SORCS2: variants seen among roughly 807,000 people sequenced by gnomAD.
The protein encoded by SORCS2 is sortilin related VPS10 domain containing receptor 2.
A neutral mutation model predicts 141.6 loss-of-function variants in SORCS2; 100 were observed. The ratio of observed to expected loss-of-function variants is 0.71; its 90% confidence interval spans 0.60 to 0.83. SORCS2 has a LOEUF of 0.83. SORCS2 is among the 40% of genes least tolerant of loss of function. The pLI, the probability that SORCS2 is intolerant of heterozygous loss-of-function variation, is 0.00. For missense variants in SORCS2, 1,646 were observed against 1,560.2 expected, an observed-to-expected ratio of 1.05 and a Z score of -0.93; for synonymous variants, 789 against 676.9, an observed-to-expected ratio of 1.17 and a Z score of -2.57.
intron 8 of SORCS2, among the ~76,000 whole-genome samples, chr4:7,670,821 C>T (rs188635710): frequency 2.6e-5 from 4 of 152,166 alleles, no homozygotes; most frequent in Admixed American, 2.6e-4. Flanking sequence ...CGGGAGGGTG[C>T]AGGGGTGCCA....
At chr4:7,384,589 C>T (rs1560237996) in intron 1 of SORCS2, among the ~76,000 whole-genome samples, 1 of 152,236 alleles carries the variant, frequency 6.6e-6, no homozygotes, top group Non-Finnish European at 1.5e-5. Flanking sequence ...CCACCCGTGT[C>T]CACACCACAG....
chr4:7,271,642 C>T (rs934425218), intron 1 of SORCS2, among the ~76,000 whole-genome samples: 2 of 152,228 alleles, frequency 1.3e-5, no homozygotes, highest in Admixed American at 6.5e-5. Flanking sequence ...CTTGTGGCTC[C>T]CGTCTGCCAC....
intron 2 of SORCS2, among the ~76,000 whole-genome samples, chr4:7,472,779 T>G (rs1730056201): frequency 6.6e-6 from 1 of 152,152 alleles, no homozygotes; most frequent in African/African-American, 2.4e-5. Flanking sequence ...ATGTTTGTAA[T>G]TGACTCCCCG....
At chr4:7,725,520 G>A (rs559086769) in intron 20 of SORCS2, among the ~76,000 whole-genome samples, 17 of 152,348 alleles carry the variant, frequency 1.1e-4, no homozygotes, top group South Asian at 6.2e-4. Flanking sequence ...GCCTTTTCCC[G>A]GGAAAGAGAT....
chr4:7,719,928 A>G, intron 18 of SORCS2, among the ~76,000 whole-genome samples: 1 of 151,512 alleles, frequency 6.6e-6, no homozygotes, highest in African/African-American at 2.4e-5. Context: ...GGGAGAGTCA[A>G]CCCCCACCCC....
intron 1 of SORCS2, among the ~76,000 whole-genome samples, chr4:7,298,204 A>G (rs1717206997): frequency 6.6e-6 from 1 of 152,164 alleles, no homozygotes; most frequent in Admixed American, 6.5e-5. Flanking sequence ...GGTCCAGGAC[A>G]TGACCATGGT....
rs947413011 is a variant in SORCS2 at position 7,522,071 on chromosome 4, G to A, written c.549-9459G>A. 4.6e-5 allele frequency among the ~76,000 whole-genome samples: 7 copies of A among 152,322 alleles called. No individual in the cohort carries two copies. In the South Asian group the frequency reaches 1.5e-3, roughly 32 times the overall value. On this transcript the variant is annotated intron_variant, in intron 2 of 26. Coordinates refer to ENST00000507866, the MANE Select transcript of SORCS2 (RefSeq NM_020777.3). ...TCCTCAGGACAGGCACAGGAGGTCCGCTTCATTAACCCTTTGTTCAGATAG... is the reference window on the plus strand; with the variant it reads ...TCCTCAGGACAGGCACAGGAGGTCCACTTCATTAACCCTTTGTTCAGATAG...
intron 2 of SORCS2, among the ~76,000 whole-genome samples, chr4:7,428,092 G>A (rs1239908319): frequency 2.0e-5 from 3 of 152,198 alleles, no homozygotes; most frequent in African/African-American, 4.8e-5. Flanking sequence ...TGGGTCCTGG[G>A]GTGGGGCCCA....
At chr4:7,678,619 G>A (rs185843748) in intron 9 of SORCS2, among the ~76,000 whole-genome samples, 24 of 142,806 alleles carry the variant, frequency 1.7e-4, no homozygotes, top group Middle Eastern at 4.8e-3. Flanking sequence ...TGAGGAAGGA[G>A]CTCAGAGCCA....
chr4:7,523,379 T>G (rs1476611116), intron 2 of SORCS2, among the ~76,000 whole-genome samples: 4 of 152,212 alleles, frequency 2.6e-5, no homozygotes, highest in African/African-American at 9.6e-5. Context: ...CCTTCAGGTC[T>G]GGCACCCAGA....
intron 1 of SORCS2, among the ~76,000 whole-genome samples, chr4:7,319,383 G>C (rs10026693): frequency 6.6e-6 from 1 of 151,746 alleles, no homozygotes; most frequent in Non-Finnish European, 1.5e-5. Context: ...GACTTGTCTC[G>C]TCTGACTTAC....
At chr4:7,376,519 A>G (rs1357687791) in intron 1 of SORCS2, among the ~76,000 whole-genome samples, 3 of 152,126 alleles carry the variant, frequency 2.0e-5, no homozygotes, top group Admixed American at 6.5e-5. Context: ...GGAGGTTGCA[A>G]TGAGCCAAGA....
At chr4:7,561,538 AT>A (rs1340049855) in intron 3 of SORCS2, among the ~76,000 whole-genome samples, 2,089 of 136,620 alleles carry the variant, frequency 0.015, 40 homozygotes, top group African/African-American at 0.047. Context: ...CCATCCATGT[AT>A]CCATTCATGC....
chr4:7,459,595 C>T (rs1163242168), intron 2 of SORCS2, among the ~76,000 whole-genome samples: 6 of 152,268 alleles, frequency 3.9e-5, no homozygotes, highest in South Asian at 2.1e-4. Context: ...GTGAGGCAGC[C>T]GCCTCTCAGA....
At chr4:7,374,021 T>C (rs1176386398) in intron 1 of SORCS2, among the ~76,000 whole-genome samples, 1 of 152,240 alleles carries the variant, frequency 6.6e-6, no homozygotes, top group East Asian at 1.9e-4. Context: ...TGTTTTCTTC[T>C]AGAAGTTTTA....
chr4:7,291,257 G>A lies in SORCS2; in HGVS notation c.480+98131G>A, dbSNP rs143603681. ...GACTTTAACTGAACAGCTGTGGGGG[G>A]CCAGGAGAGGGTTTAAAAGCAGGAC... On this transcript the variant is annotated intron_variant, in intron 1 of 26. Coordinates refer to ENST00000507866, the MANE Select transcript of SORCS2 (RefSeq NM_020777.3). 1.5e-3 allele frequency among the ~76,000 whole-genome samples: 221 copies of A among 152,306 alleles called. 1 individual carries two copies. The highest frequency in any genetic ancestry group is 2.7e-3 in the Non-Finnish European group (183 of 68,012).
chr4:7,285,037 T>TA (rs56045343), intron 1 of SORCS2, among the ~76,000 whole-genome samples: 3,994 of 30,496 alleles, frequency 0.13, 66 homozygotes, highest in African/African-American at 0.19. Flanking sequence ...TATATATATA[T>TA]TTTTTTTTTT....
In SORCS2 at chr4:7,396,309, T is replaced by G. The variant is rs1338819727; in HGVS notation, c.502T>G (p.Tyr168Asp). The G allele has an allele frequency of 6.2e-7, 1 of 1,613,974 alleles. No homozygotes were observed. The highest frequency in any genetic ancestry group is 8.5e-7 in the Non-Finnish European group (1 of 1,179,876). Residue 168 changes from tyrosine to aspartate, a missense_variant, in exon 2 of 27, where the codon TAC becomes GAC. Physicochemically the swap from Tyr to Asp is radical, Grantham distance 160. Coordinates refer to ENST00000507866, the MANE Select transcript of SORCS2 (RefSeq NM_020777.3). ...ACAGGTGATCTTGATCCTGACGAAGTACTACCACGCAGACATGGGGAAGGT... is the reference window on the plus strand; with the variant it reads ...ACAGGTGATCTTGATCCTGACGAAGGACTACCACGCAGACATGGGGAAGGT... ...NSSVILILTK[Y>D]YHADMGKVLE... is the part of the protein sequence containing the mutation.
intron 1 of SORCS2, among the ~76,000 whole-genome samples, chr4:7,335,121 G>T (rs1321611940): frequency 6.6e-6 from 1 of 152,172 alleles, no homozygotes; most frequent in Non-Finnish European, 1.5e-5. Flanking sequence ...CCGGCCCAGA[G>T]CTGGGAATCT....
Sources: allele counts gnomAD v4.1 joint callset (sites outside exome capture counted in the v4.1 genomes callset), GRCh38; gene constraint gnomAD v4.1.1; transcripts MANE v1.5; gene names NCBI Gene and HGNC (gene_info 2026-07-23, HGNC 2026-07-21).